EPB41L3: variants seen among roughly 807,000 people sequenced by gnomAD.
EPB41L3 encodes band 4.1-like protein 3.
Under a neutral mutation model 127.1 loss-of-function variants are expected in EPB41L3, and 57 were observed. The ratio of observed to expected loss-of-function variants is 0.45; its 90% CI spans 0.36 to 0.56. The LOEUF (loss-of-function observed/expected upper bound fraction) is 0.56, where lower values mean the gene tolerates loss of function less well. Ranked by LOEUF, EPB41L3 falls within the 20% of genes least tolerant of loss-of-function variation. EPB41L3 has a pLI of 0.00. For synonymous variants in EPB41L3, 572 were observed against 549.5 expected (o/e 1.04, Z -0.57); for missense variants, 1,273 against 1,372.2 (o/e 0.93, Z 1.14).
At chr18:5,492,692 A>T (rs572459148) in intron 1 of EPB41L3, among the ~76,000 whole-genome samples, 5 of 152,194 alleles carry the variant, frequency 3.3e-5, no homozygotes, top group African/African-American at 1.2e-4. Flanking sequence ...CTTAGTTTTG[A>T]CTGAAACTGT....
intron 3 of EPB41L3, among the ~76,000 whole-genome samples, chr18:5,449,780 G>A (rs571331832): frequency 5.3e-5 from 8 of 152,272 alleles, no homozygotes; most frequent in South Asian, 4.1e-4. Flanking sequence ...GGGATTTTAC[G>A]TTCCAAGGCC....
At chr18:5,465,421 G>C (rs2084778779) in intron 3 of EPB41L3, among the ~76,000 whole-genome samples, 1 of 152,132 alleles carries the variant, frequency 6.6e-6, no homozygotes, top group Non-Finnish European at 1.5e-5. Flanking sequence ...ATATTTTTCG[G>C]TGTCTTATAT....
At chr18:5,595,899 TCCA>T (rs1217298375) in intron 3 of EPB41L3, among the ~76,000 whole-genome samples, 1 of 152,178 alleles carries the variant, frequency 6.6e-6, no homozygotes, top group Non-Finnish European at 1.5e-5. Context: ...TAATGTATAT[TCCA>T]GTAGGTGGCT....
At chr18:5,462,923 C>T (rs966916768) in intron 3 of EPB41L3, among the ~76,000 whole-genome samples, 2 of 152,142 alleles carry the variant, frequency 1.3e-5, no homozygotes, top group South Asian at 2.1e-4. Context: ...ACTGTCTTCC[C>T]CCATAAACTT....
chr18:5,579,952 T>C (rs1057429887), intron 3 of EPB41L3, among the ~76,000 whole-genome samples: 6 of 152,160 alleles, frequency 3.9e-5, no homozygotes, highest in African/African-American at 1.4e-4. Flanking sequence ...ATCAACATTT[T>C]AAAATATGAC....
Position 5,511,389 on chromosome 18 carries a change from T to A in EPB41L3, c.-11-22195A>T, listed in dbSNP as rs144377172. 6.4e-3 allele frequency among the ~76,000 whole-genome samples: 906 copies of A among 141,644 alleles called. 16 individuals carry two copies. The highest frequency in any genetic ancestry group is 0.023 in the African/African-American group (879 of 38,002). 92.9% of individuals were successfully genotyped at this position (141,644 alleles called of 152,430 possible). A position where few individuals can be genotyped will look rare whatever the true frequency, so the allele number is the denominator to read the frequency against. On this transcript the variant is annotated intron_variant, in intron 1 of 22. Transcript: ENST00000341928. The stretch of plus-strand genomic sequence containing the variant: ...TTCTTTAATAGCTGTGGAGGTATTT[T>A]GGTTTTTTTTTTTTTTTTTTTTTTT...
At chr18:5,578,242 T>C (rs890741936) in intron 3 of EPB41L3, among the ~76,000 whole-genome samples, 1 of 152,218 alleles carries the variant, frequency 6.6e-6, no homozygotes, top group Non-Finnish European at 1.5e-5. Context: ...GTGAACATTG[T>C]ATTATCCACA....
intron 1 of EPB41L3, among the ~76,000 whole-genome samples, chr18:5,535,890 A>G (rs917571513): frequency 3.3e-5 from 5 of 152,232 alleles, no homozygotes; most frequent in African/African-American, 1.2e-4. Flanking sequence ...TTGGGAACTC[A>G]GAGAGAGATC....
At chr18:5,513,679 A>G (rs911225693) in intron 1 of EPB41L3, among the ~76,000 whole-genome samples, 1 of 152,218 alleles carries the variant, frequency 6.6e-6, no homozygotes, top group African/African-American at 2.4e-5. Flanking sequence ...GGTGATATTA[A>G]TCATATCAGC....
chr18:5,461,622 T>A (rs576089678), intron 3 of EPB41L3, among the ~76,000 whole-genome samples: 1 of 152,344 alleles, frequency 6.6e-6, no homozygotes, highest in African/African-American at 2.4e-5. Context: ...AGACTTATCC[T>A]TGACCTAGAT....
In EPB41L3 at chr18:5,415,889, A is replaced by G. The variant is rs1263338601; in HGVS notation, c.1996T>C (p.Tyr666His). 4.3e-6 allele frequency: 7 copies of G among 1,613,772 alleles called. No homozygotes were observed. Among genetic ancestry groups the G allele is most frequent in the African/African-American group, 2.7e-5 (2 of 74,916 alleles). Residue 666 changes from tyrosine (Y) to histidine (H), a missense_variant, in exon 13 of 23, where the codon TAC (tyrosine) becomes CAC (histidine). Tyr to His is a moderately conservative substitution (Grantham distance 83). Transcript: ENST00000341928. Reference protein sequence around the residue: ...LSFPLALCLCYLEPKAASLSA... With the variant: ...LSFPLALCLCHLEPKAASLSA... ...AAGGAGGCCGCCTTGGGCTCCAGGTAGCAGAGGCACAGAGCCAGAGGGAAG... is the reference window on the plus strand; with the variant it reads ...AAGGAGGCCGCCTTGGGCTCCAGGTGGCAGAGGCACAGAGCCAGAGGGAAG...
At chr18:5,480,017 T>A (rs1300795198) in intron 2 of EPB41L3, 1 of 151,758 alleles carries the variant, frequency 6.6e-6, no homozygotes, top group Non-Finnish European at 1.5e-5. Flanking sequence ...TTTTTGTCTC[T>A]TCATAGGCAA....
chr18:5,557,098 G>C (rs924212653), intron 3 of EPB41L3, among the ~76,000 whole-genome samples: 2 of 152,074 alleles, frequency 1.3e-5, no homozygotes, highest in Admixed American at 1.3e-4. Flanking sequence ...GCTCTCGACT[G>C]CTGGGAGGTG....
chr18:5,414,125 C>T (rs1412452073), intron 13 of EPB41L3, among the ~76,000 whole-genome samples: 1 of 152,156 alleles, frequency 6.6e-6, no homozygotes, highest in Non-Finnish European at 1.5e-5. Flanking sequence ...AAATATATCT[C>T]CATGTTAGAA....
intron 1 of EPB41L3, among the ~76,000 whole-genome samples, chr18:5,504,968 AGC>A (rs1460735404): frequency 6.6e-6 from 1 of 152,002 alleles, no homozygotes; most frequent in African/African-American, 2.4e-5. Flanking sequence ...CATTTCCCCA[AGC>A]ACTCCTTAAC....
chr18:5,434,898 T>C (rs926934284), intron 6 of EPB41L3, among the ~76,000 whole-genome samples: 2 of 152,196 alleles, frequency 1.3e-5, no homozygotes, highest in Non-Finnish European at 2.9e-5. Context: ...GAAGACACTG[T>C]TATCCTAGGA....
At chr18:5,571,396 C>A (rs1448328650) in intron 3 of EPB41L3, among the ~76,000 whole-genome samples, 1 of 152,052 alleles carries the variant, frequency 6.6e-6, no homozygotes, top group Non-Finnish European at 1.5e-5. Flanking sequence ...TTATTTTTTT[C>A]AGCCTATTCT....
At chr18:5,487,396 AATAT>A (rs1239366002) in intron 2 of EPB41L3, among the ~76,000 whole-genome samples, 1 of 145,574 alleles carries the variant, frequency 6.9e-6, no homozygotes, top group African/African-American at 2.5e-5. Flanking sequence ...TACAAAATAT[AATAT>A]ATATATTTTT....
chr18:5,395,145 A>G lies in EPB41L3; in HGVS notation c.3075T>C (p.Thr1025=), dbSNP rs145398752. The G allele has an allele frequency of 4.5e-4, 725 of 1,613,796 alleles. No homozygotes were observed. The highest frequency in any genetic ancestry group is 5.9e-4 in the Non-Finnish European group (697 of 1,179,770). The change falls in exon 21 of 23, where the codon ACT becomes ACC. Residue 1025 remains threonine (T), a splice_region_variant and synonymous_variant. Coordinates refer to ENST00000341928, the MANE Select transcript of EPB41L3 (RefSeq NM_012307.5). ...TTGTCTCTGAAATGCCCCCTTTCAC[A>G]GTCTGCAAGACACGTAGAGAAGCTT... is the stretch of plus-strand genomic sequence containing the variant. ...STTTTTHITK[T]VKGGISETRI... is the part of the protein sequence containing the mutation.
Sources: allele counts gnomAD v4.1 joint callset (sites outside exome capture counted in the v4.1 genomes callset), GRCh38; gene constraint gnomAD v4.1.1; transcripts MANE v1.5; gene names NCBI Gene and HGNC (gene_info 2026-07-23, HGNC 2026-07-21).